Variants in GRAMD2B observed in about 807,000 individuals in gnomAD.
The protein encoded by GRAMD2B is GRAM domain-containing protein 2B.
GRAMD2B carries 41 observed loss-of-function variants against 59.2 expected under a neutral mutation model. The observed-to-expected ratio is 0.69, with a 90% confidence interval of 0.54 to 0.90. The LOEUF (loss-of-function observed/expected upper bound fraction) is 0.90, where lower values mean the gene tolerates loss of function less well. Ranked by LOEUF, GRAMD2B falls within the 40% of genes least tolerant of loss-of-function variation. GRAMD2B has a pLI of 0.00. For synonymous variants in GRAMD2B, 161 were observed against 182.7 expected, an observed-to-expected ratio of 0.88 and a Z score of 0.96; for missense variants, 424 against 500.5, an observed-to-expected ratio of 0.85 and a Z score of 1.46.
intron 1 of GRAMD2B, among the ~76,000 whole-genome samples, chr5:126,401,915 G>T (rs1441296706): frequency 6.6e-6 from 1 of 151,988 alleles, no homozygotes; most frequent in Non-Finnish European, 1.5e-5. Context: ...GTCATCCCAG[G>T]TCATATACCG....
In GRAMD2B at chr5:126,424,804, A is replaced by C. The variant is rs183077352; in HGVS notation, c.83+1115A>C. ...TCAATACTTTAAATGCATTCTCACAAAGAATGAGGCAGGTGCTATTATTTC... is the reference window on the plus strand; with the variant it reads ...TCAATACTTTAAATGCATTCTCACACAGAATGAGGCAGGTGCTATTATTTC... On this transcript the variant is annotated intron_variant, in intron 1 of 13. Coordinates refer to ENST00000285689, the MANE Select transcript of GRAMD2B (RefSeq NM_023927.4). Among the ~76,000 whole-genome samples, 153 of 152,348 alleles carry C rather than the reference A, an allele frequency of 1.0e-3. 1 individual carries two copies. The highest frequency in any genetic ancestry group is 3.1e-3 in the Admixed American group (48 of 15,310).
chr5:126,391,628 T>C (rs1163146736), intron 1 of GRAMD2B, among the ~76,000 whole-genome samples: 1 of 152,204 alleles, frequency 6.6e-6, no homozygotes, highest in East Asian at 1.9e-4. Context: ...AATGAAGTAC[T>C]ATTATATGCC....
At chr5:126,383,738 C>G (rs1755861079) in intron 1 of GRAMD2B, among the ~76,000 whole-genome samples, 2 of 152,194 alleles carry the variant, frequency 1.3e-5, no homozygotes, top group Admixed American at 1.3e-4. Flanking sequence ...TTTATTCACC[C>G]AGCTTGGCTT....
upstream of GRAMD2B, among the ~76,000 whole-genome samples, chr5:126,418,443 C>T (rs746268248): frequency 1.3e-5 from 2 of 152,192 alleles, no homozygotes; most frequent in Non-Finnish European, 2.9e-5. Context: ...GCCCCTGGAC[C>T]AGTAAGCCCT....
chr5:126,376,906 A>T (rs962926272), intron 1 of GRAMD2B, among the ~76,000 whole-genome samples: 5 of 151,992 alleles, frequency 3.3e-5, no homozygotes, highest in Admixed American at 1.3e-4. Context: ...CAGAGAAAGA[A>T]CAAATTGCAC....
chr5:126,394,036 A>T (rs553047258), intron 1 of GRAMD2B, among the ~76,000 whole-genome samples: 81 of 152,186 alleles, frequency 5.3e-4, no homozygotes, highest in Non-Finnish European at 1.1e-3. Flanking sequence ...GCACTTCGGG[A>T]GGCCAAGGCG....
rs1769188253 is a variant in GRAMD2B at position 126,469,728 on chromosome 5, TA to T, written c.259del (p.Thr87GlnfsTer39). On this transcript the variant is annotated frameshift_variant, in exon 3 of 14. Transcript: ENST00000285689. LOFTEE classifies it high-confidence loss of function. Reference protein sequence around the residue: ...ASLASDKNDCKTESKNDPKTE... With the variant: ...ASLASDKNDCXTESKNDPKTE... Reference sequence around the variant, plus strand: ...CTTTAGCAAGTGATAAGAACGACTGTAAAACAGAAAGCAAAAATGACCCTAA... The same window carrying T: ...CTTTAGCAAGTGATAAGAACGACTGTAAACAGAAAGCAAAAATGACCCTAA... 1 of 1,614,022 alleles carries T rather than the reference TA, an allele frequency of 6.2e-7. No homozygotes were observed. The highest frequency in any genetic ancestry group is 8.5e-7 in the Non-Finnish European group (1 of 1,179,928).
upstream of GRAMD2B, among the ~76,000 whole-genome samples, chr5:126,419,311 G>A (rs2149771600): frequency 6.6e-6 from 1 of 152,274 alleles, no homozygotes; most frequent in African/African-American, 2.4e-5. Context: ...TGAAGCGAGA[G>A]AGAGGTGAGA....
chr5:126,421,617 GC>G (rs1759734767), upstream of GRAMD2B, among the ~76,000 whole-genome samples: 1 of 152,180 alleles, frequency 6.6e-6, no homozygotes, highest in African/African-American at 2.4e-5. Flanking sequence ...ATTTATGTAA[GC>G]TTTTTCTTTT....
chr5:126,435,899 C>T (rs965196735), intron 1 of GRAMD2B, among the ~76,000 whole-genome samples: 1 of 152,214 alleles, frequency 6.6e-6, no homozygotes. Flanking sequence ...AAACTATCCT[C>T]TTACACGTTT....
At chr5:126,377,516 T>C (rs1755301578) in intron 1 of GRAMD2B, among the ~76,000 whole-genome samples, 1 of 152,220 alleles carries the variant, frequency 6.6e-6, no homozygotes, top group Admixed American at 6.5e-5. Context: ...TTTCCACTCC[T>C]ATTTTTCCTC....
At chr5:126,443,386 T>C (rs960096780) in intron 1 of GRAMD2B, among the ~76,000 whole-genome samples, 1 of 152,196 alleles carries the variant, frequency 6.6e-6, no homozygotes, top group Non-Finnish European at 1.5e-5. Flanking sequence ...AGAGGAAAAT[T>C]CTTCAGCCTT....
intron 5 of GRAMD2B, among the ~76,000 whole-genome samples, chr5:126,475,777 CA>C (rs746396414): frequency 3.9e-5 from 6 of 152,168 alleles, no homozygotes; most frequent in Non-Finnish European, 8.8e-5. Context: ...CCAGCCTGAC[CA>C]ACATGGAGAA....
At chr5:126,453,910 T>C (rs1235779977) in intron 1 of GRAMD2B, among the ~76,000 whole-genome samples, 1 of 152,244 alleles carries the variant, frequency 6.6e-6, no homozygotes, top group Non-Finnish European at 1.5e-5. Flanking sequence ...GCTAATTGTT[T>C]TCCTGTATTG....
At chr5:126,466,432 T>C in intron 2 of GRAMD2B, 1 of 554,306 alleles carries the variant, frequency 1.8e-6, no homozygotes, top group Non-Finnish European at 3.2e-6. Context: ...CATCTCACCT[T>C]TTTTTTTTTT....
At chr5:126,410,821 C>T (rs572572281) in intron 1 of GRAMD2B, among the ~76,000 whole-genome samples, 2 of 151,930 alleles carry the variant, frequency 1.3e-5, no homozygotes, top group East Asian at 1.9e-4. Context: ...TGGTATGATA[C>T]GGTATCTTCT....
intron 1 of GRAMD2B, among the ~76,000 whole-genome samples, chr5:126,444,952 AT>A (rs1307500635): frequency 6.6e-6 from 1 of 151,966 alleles, no homozygotes; most frequent in African/African-American, 2.4e-5. Flanking sequence ...ACGGTGTTTG[AT>A]TTTCTTTTCC....
At chr5:126,408,354 T>C (rs1278138837) in intron 1 of GRAMD2B, among the ~76,000 whole-genome samples, 1 of 152,064 alleles carries the variant, frequency 6.6e-6, no homozygotes, top group Non-Finnish European at 1.5e-5. Flanking sequence ...CCACCATTAA[T>C]GGGCACATAG....
At chr5:126,406,105 T>C (rs573465557) in intron 1 of GRAMD2B, among the ~76,000 whole-genome samples, 1 of 152,104 alleles carries the variant, frequency 6.6e-6, no homozygotes, top group East Asian at 1.9e-4. Context: ...ACAAAGATCA[T>C]ATTCGTGTCT....
Sources: allele counts gnomAD v4.1 joint callset (sites outside exome capture counted in the v4.1 genomes callset), GRCh38; gene constraint gnomAD v4.1.1; transcripts MANE v1.5; gene names NCBI Gene and HGNC (gene_info 2026-07-23, HGNC 2026-07-21).